The following APOB variants were observed in gnomAD, a reference collection of about 807,000 sequenced individuals.
APOB encodes apolipoprotein B-100.
A neutral mutation model predicts 314.1 loss-of-function variants in APOB; 153 were observed. The observed-to-expected ratio is 0.49, with a 90% CI of 0.43 to 0.56. The LOEUF (loss-of-function observed/expected upper bound fraction) is 0.56. Ranked by LOEUF, APOB falls within the 20% of genes least tolerant of loss-of-function variation. The probability of loss-of-function intolerance (pLI) is 0.00; values close to 1 mark genes in which losing one functional copy is unlikely to be tolerated. For synonymous variants in APOB, 2,087 were observed against 2,036.4 expected (o/e 1.02, Z -0.67); for missense variants, 5,430 against 5,350.7 (o/e 1.01, Z -0.46).
rs755971450 is a variant in APOB, at chr2:21,009,061, T to C, written c.7807A>G (p.Ser2603Gly). The change falls in exon 26 of 29, where the codon AGT becomes GGT. Residue 2603 changes from serine to glycine, a missense_variant. Physicochemically the swap from Ser to Gly is moderately conservative, Grantham distance 56. Coordinates refer to ENST00000233242, the MANE Select transcript of APOB (RefSeq NM_000384.3). ...ILGTMPAFEV[S>G]LQALQKATFQ... is the part of the protein sequence containing the mutation. ...GTAGCTTTCTGAAGAGCCTGAAGAC[T>C]GACTTCAAAGGCAGGCATGGTCCCA... 1 of 1,614,110 alleles carries C rather than the reference T, an allele frequency of 6.2e-7. No individual in the cohort carries two copies. Among genetic ancestry groups the C allele is most frequent in the Non-Finnish European group, 8.5e-7 (1 of 1,179,956 alleles).
At chr2:21,036,498 G>C (rs989938152) in intron 6 of APOB, among the ~76,000 whole-genome samples, 13 of 152,186 alleles carry the variant, frequency 8.5e-5, no homozygotes, top group Non-Finnish European at 1.6e-4. Context: ...TGTTGCAGGG[G>C]TCAGGCAGGC....
intron 12 of APOB, among the ~76,000 whole-genome samples, 195 bp from the exon 13 acceptor site, chr2:21,028,733 AGC>A (rs1388567168): frequency 6.6e-6 from 1 of 152,212 alleles, no homozygotes; most frequent in African/African-American, 2.4e-5. Context: ...TCCCAGAAAA[AGC>A]CTGTGGAATG....
Position 21,027,975 on chromosome 2 carries a change from G to A in APOB, c.1920C>T (p.Tyr640=). 14 of 1,614,042 alleles carry A rather than the reference G, an allele frequency of 8.7e-6. No individual in the cohort carries two copies. Among genetic ancestry groups the A allele is most frequent in the Non-Finnish European group, 1.2e-5 (14 of 1,179,872 alleles). ...CAAGTGATGGAAGAGAAACAGATTTGTAGAGTTGATAGTTCCGAGAGAATT... is the reference window on the plus strand; with the variant it reads ...CAAGTGATGGAAGAGAAACAGATTTATAGAGTTGATAGTTCCGAGAGAATT... ...FRKFSRNYQL[Y]KSVSLPSLDP... The change falls in exon 14 of 29, where the codon TAC becomes TAT. Residue 640 remains tyrosine (Y), a synonymous_variant. Transcript: ENST00000233242.
intron 14 of APOB, 142 bp downstream of exon 14, chr2:21,027,686 G>A: frequency 1.4e-6 from 1 of 739,796 alleles, no homozygotes; most frequent in Non-Finnish European, 2.4e-6. Flanking sequence ...GGGGAAGGAG[G>A]GAAAGAAGAA....
In APOB at chr2:21,027,678, G is replaced by A. The variant is rs1572795669; in HGVS notation, c.2067+150C>T. 1.4e-5 allele frequency: 10 copies of A among 722,508 alleles called. No individual in the cohort carries two copies. In the East Asian group the frequency reaches 2.6e-4, roughly 19 times the overall value. The allele number at this position is 722,508 out of a possible 1,614,324, so 44.8% of individuals were successfully genotyped here. The stretch of plus-strand genomic sequence containing the variant: ...CCCTAGCGGGGAGAGAGGAAGGCGG[G>A]GAAGGAGGGAAAGAAGAAAGCCTCA... On this transcript the variant is annotated intron_variant, in intron 14 of 28. Coordinates refer to ENST00000233242, the MANE Select transcript of APOB (RefSeq NM_000384.3).
At chr2:21,037,487 T>G (rs1664034605) in intron 5 of APOB, among the ~76,000 whole-genome samples, 1 of 152,184 alleles carries the variant, frequency 6.6e-6, no homozygotes, top group African/African-American at 2.4e-5. Context: ...GCAGGTTGCA[T>G]CGGTGTCTTC....
In APOB at chr2:21,016,638, T is replaced by G; in HGVS notation, c.3133A>C (p.Thr1045Pro). The G allele has an allele frequency of 6.2e-7, 1 of 1,601,888 alleles. No individual in the cohort carries two copies. The highest frequency in any genetic ancestry group is 8.6e-7 in the Non-Finnish European group (1 of 1,168,856). The part of the protein sequence containing the change: ...FVTQAEGAKQ[T>P]EATMTFKYNR... ...TATTTGAATGTCATGGTAGCCTCAG[T>G]CTGCTTCGCACCTGGACGAGTGTAT... Residue 1045 changes from threonine (T) to proline (P), a missense_variant, in exon 21 of 29, where the codon ACT becomes CCT. Around this residue, in one of 3 missense-constraint regions of APOB, gnomAD observed 2,085 missense variants for 2,079.7 expected, o/e 1.00. Transcript: ENST00000233242.
At chr2:21,019,987 C>A (rs185474731) in intron 18 of APOB, 82 bp from the exon 19 acceptor site, 74 of 1,257,116 alleles carry the variant, frequency 5.9e-5, no homozygotes, top group Non-Finnish European at 8.2e-5. Context: ...TGCAAATACC[C>A]CCTTATCCTC....
chr2:21,008,367 T>C lies in APOB; in HGVS notation c.8501A>G (p.Tyr2834Cys), dbSNP rs2103354269. 1 of 1,614,076 alleles carries C rather than the reference T, an allele frequency of 6.2e-7. No individual in the cohort carries two copies. The highest frequency in any genetic ancestry group is 2.2e-5 in the East Asian group (1 of 44,880). The change falls in exon 26 of 29, where the codon TAC becomes TGC. Residue 2834 changes from tyrosine to cysteine, a missense_variant. This residue lies in a region of APOB where 3,281 missense variants were observed against 3,171.0 expected (regional missense o/e 1.03). Transcript: ENST00000233242. ...TTCACTCCCATGCTCCGTTCTCAGGTACTTGCTGGAGAACTTCACTGACTC... is the reference window on the plus strand; with the variant it reads ...TTCACTCCCATGCTCCGTTCTCAGGCACTTGCTGGAGAACTTCACTGACTC... ...LKESVKFSSK[Y>C]LRTEHGSEML... is the part of the protein sequence containing the mutation.
At chr2:21,029,075 A>G (rs1436738504) in intron 12 of APOB, among the ~76,000 whole-genome samples, 1 of 152,224 alleles carries the variant, frequency 6.6e-6, no homozygotes, top group Non-Finnish European at 1.5e-5. Flanking sequence ...GCATGTTGAC[A>G]TAGCAGCAAA....
rs375217343 is a variant in APOB at position 21,010,136 on chromosome 2, A to G, written c.6732T>C (p.Ser2244=). 8.1e-6 allele frequency: 13 copies of G among 1,607,782 alleles called. No homozygotes were observed. Among genetic ancestry groups the G allele is most frequent in the Non-Finnish European group, 1.1e-5 (13 of 1,176,162 alleles). ...CCACATTTTGAATCCAGGATGCAGT[A>G]CTACTTCCACTTTTGTTAAAATCAA... ...ENIDFNKSGS[S]TASWIQNVDT... is the part of the protein sequence containing the mutation. The change falls in exon 26 of 29, where the codon AGT becomes AGC. Residue 2244 remains serine, a synonymous_variant. Coordinates refer to ENST00000233242, the MANE Select transcript of APOB (RefSeq NM_000384.3).
At chr2:21,031,411 G>C (rs1663876226) in intron 10 of APOB, among the ~76,000 whole-genome samples, 1 of 152,178 alleles carries the variant, frequency 6.6e-6, no homozygotes, top group South Asian at 2.1e-4. Context: ...TGCACACAAG[G>C]ACATAGTGTG....
chr2:21,007,611 C>G lies in APOB; in HGVS notation c.9257G>C (p.Ser3086Thr), dbSNP rs1413521538. ...ATTGAACCTAGCACTTACTTGCCAACTTGCTTGCTGGGCACTGGGACTCAG... is the reference window on the plus strand; with the variant it reads ...ATTGAACCTAGCACTTACTTGCCAAGTTGCTTGCTGGGCACTGGGACTCAG... ...LFLSPSAQQA[S>T]WQVSARFNQY... The change falls in exon 26 of 29, where the codon AGT (serine) becomes ACT (threonine). Residue 3086 changes from serine (S) to threonine (T), a missense_variant. Transcript: ENST00000233242. The G allele has an allele frequency of 1.2e-5, 19 of 1,613,984 alleles. No individual in the cohort carries two copies. The East Asian group carries it at 4.2e-4, about 36-fold the overall frequency.
Position 21,025,127 on chromosome 2 carries a change from G to T in APOB, c.2245-3C>A. 2 of 1,613,586 alleles carry T rather than the reference G, an allele frequency of 1.2e-6. No homozygotes were observed. Among genetic ancestry groups the T allele is most frequent in the Non-Finnish European group, 8.5e-7 (1 of 1,179,930 alleles). On this transcript the variant is annotated splice_polypyrimidine_tract_variant and splice_region_variant and intron_variant, in intron 15 of 28. Transcript: ENST00000233242. ...AGCATTATTCCATTTACCATATCCT[G>T]AGAGTTTAGTAATAAAATGGCCAGT...
intron 24 of APOB, 29 bp downstream of exon 24, chr2:21,014,419 C>T (rs1368022957): frequency 1.2e-6 from 2 of 1,613,656 alleles, no homozygotes; most frequent in East Asian, 2.2e-5. Context: ...TTGCATGGTT[C>T]AAGAAGCCTT....
In APOB at chr2:21,019,773, G is replaced by A. The variant is rs760094793; in HGVS notation, c.2949C>T (p.Asn983=). 2.4e-5 allele frequency: 38 copies of A among 1,614,064 alleles called. No homozygotes were observed. The highest frequency in any genetic ancestry group is 2.8e-5 in the Non-Finnish European group (33 of 1,180,050). ...AGGAGGCGGAGTCTGTGGAGCTGGC[G>A]TTGGAGTAAGCGCCTGAGGTGCAGT... ...LNYCTSGAYS[N]ASSTDSASYY... The change falls in exon 19 of 29, where the codon AAC becomes AAT. Residue 983 remains asparagine, a synonymous_variant. Coordinates refer to ENST00000233242, the MANE Select transcript of APOB (RefSeq NM_000384.3).
chr2:21,007,710 T>C lies in APOB; in HGVS notation c.9158A>G (p.Glu3053Gly), dbSNP rs761745929. 12 of 1,614,084 alleles carry C rather than the reference T, an allele frequency of 7.4e-6. No homozygotes were observed. Among genetic ancestry groups the C allele is most frequent in the Non-Finnish European group, 6.8e-6 (8 of 1,179,956 alleles). The change falls in exon 26 of 29, where the codon GAA becomes GGA. Residue 3053 changes from glutamate (E) to glycine (G), a missense_variant. Around this residue, in one of 3 missense-constraint regions of APOB, gnomAD observed 3,281 missense variants for 3,171.0 expected, o/e 1.03. Coordinates refer to ENST00000233242, the MANE Select transcript of APOB (RefSeq NM_000384.3). Reference protein sequence around the residue: ...PFEITASTNNEGNLKVRFPLR... With the variant: ...PFEITASTNNGGNLKVRFPLR... ...TGGAAAACGAACTTTCAAATTCCCT[T>C]CATTGTTTGTGGATGCCGTGATCTC...
chr2:21,032,373 G>C lies in APOB; in HGVS notation c.1333C>G (p.Leu445Val), dbSNP rs1558573952. ...ACTCACTTGTTGACCGCGTGGCTCAGCGCATACAAGGTGGCTCGGCTGCGC... is the reference window on the plus strand; with the variant it reads ...ACTCACTTGTTGACCGCGTGGCTCACCGCATACAAGGTGGCTCGGCTGCGC... ...DQRSRATLYA[L>V]SHAVNNYHKT... The change falls in exon 10 of 29, where the codon CTG becomes GTG. Residue 445 changes from leucine to valine, a missense_variant. Around this residue, in one of 3 missense-constraint regions of APOB, gnomAD observed 2,085 missense variants for 2,079.7 expected, o/e 1.00. Transcript: ENST00000233242. 1 of 1,613,500 alleles carries C rather than the reference G, an allele frequency of 6.2e-7. No homozygotes were observed. The highest frequency in any genetic ancestry group is 8.5e-7 in the Non-Finnish European group (1 of 1,180,022).
intron 14 of APOB, 89 bp downstream of exon 14, chr2:21,027,739 T>G: frequency 9.8e-7 from 1 of 1,021,244 alleles, no homozygotes; most frequent in Non-Finnish European, 1.6e-6. Flanking sequence ...GTTCTTAGTT[T>G]TCCTCTGGGT....
Sources: gnomAD v4.1 joint callset for allele counts (sites outside exome capture counted in the v4.1 genomes callset) on GRCh38, gnomAD v4.1.1 for gene constraint, gnomAD v4.1.1 regional missense constraint, MANE v1.5 for transcripts, NCBI Gene and HGNC (gene_info 2026-07-23, HGNC 2026-07-21) for gene names.